Variants in VAV2 observed in about 807,000 individuals in gnomAD.
VAV2 encodes the protein guanine nucleotide exchange factor VAV2.
A neutral mutation model predicts 132.5 loss-of-function variants in VAV2; 67 were observed. That is an observed-to-expected ratio of 0.51 (90% CI 0.42 to 0.62). The LOEUF is 0.62. VAV2 is among the 20% of genes least tolerant of loss of function. The pLI, the probability that VAV2 is intolerant of heterozygous loss-of-function variation, is 0.00. For synonymous variants in VAV2, 492 were observed against 443.5 expected (o/e 1.11, Z -1.37); for missense variants, 938 against 1,153.6 (o/e 0.81, Z 2.71).
rs991349412 is a variant in VAV2, at chr9:133,885,256, G to A, written c.322-23824C>T. On this transcript the variant is annotated intron_variant, in intron 2 of 29. Transcript: ENST00000371850. The surrounding 1 kb of genome is among the most constrained non-coding windows in gnomAD (Gnocchi z 5.0). Reference sequence around the variant, plus strand: ...AGGGAAGGGCATGTATGCAGCCCCCGCGGCTGTCTACTTGGTCCATGTCCA... The same window carrying A: ...AGGGAAGGGCATGTATGCAGCCCCCACGGCTGTCTACTTGGTCCATGTCCA... Among the ~76,000 whole-genome samples, 11 of 152,214 alleles carry A rather than the reference G, an allele frequency of 7.2e-5. No homozygotes were observed. The highest frequency in any genetic ancestry group is 1.3e-4 in the Non-Finnish European group (9 of 68,044).
At chr9:133,903,078 GAAAA>G (rs61131449) in intron 2 of VAV2, among the ~76,000 whole-genome samples, 1 of 105,364 alleles carries the variant, frequency 9.5e-6, no homozygotes, top group African/African-American at 3.5e-5. Context: ...CCTGCCCCAG[GAAAA>G]AAAAAAAAAA....
chr9:133,763,879 G>T lies in VAV2; in HGVS notation c.*183C>A. 2.8e-6 allele frequency: 2 copies of T among 708,458 alleles called. No individual in the cohort carries two copies. Among genetic ancestry groups the T allele is most frequent in the Non-Finnish European group, 4.7e-6 (2 of 422,524 alleles). The allele number at this position is 708,458 out of a possible 1,614,324, so 43.9% of individuals were successfully genotyped here. Reference sequence around the variant, plus strand: ...ATAGCATACCCAGTGATGGGTCGCCGAGGGCAGGCTGACAGTGAAACGGTT... The same window carrying T: ...ATAGCATACCCAGTGATGGGTCGCCTAGGGCAGGCTGACAGTGAAACGGTT... On this transcript the variant is annotated 3_prime_UTR_variant, in exon 30 of 30. Transcript: ENST00000371850. The surrounding 1 kb of genome is among the most constrained non-coding windows in gnomAD (Gnocchi z 6.8).
intron 8 of VAV2, among the ~76,000 whole-genome samples, chr9:133,806,981 A>C (rs906192836): frequency 1.3e-5 from 2 of 152,180 alleles, no homozygotes; most frequent in Non-Finnish European, 2.9e-5. Context: ...GCTGACAAAA[A>C]CTTCATTTAC....
chr9:133,931,694 G>A (rs533635080), intron 2 of VAV2, among the ~76,000 whole-genome samples: 16 of 152,324 alleles, frequency 1.1e-4, no homozygotes, highest in Non-Finnish European at 2.1e-4. Flanking sequence ...CTGTGACCCG[G>A]TGCCCAGGAG....
intron 25 of VAV2, among the ~76,000 whole-genome samples, chr9:133,774,699 C>G (rs921582961): frequency 1.3e-5 from 2 of 152,194 alleles, no homozygotes; most frequent in Non-Finnish European, 2.9e-5. Context: ...ACAGGGCAGC[C>G]AGGAGTGATG....
chr9:133,851,838 C>T (rs1157652884), intron 3 of VAV2, among the ~76,000 whole-genome samples: 7 of 117,372 alleles, frequency 6.0e-5, no homozygotes, highest in Non-Finnish European at 9.9e-5. Flanking sequence ...GATGGATGCA[C>T]AAATGGGTGG....
intron 4 of VAV2, among the ~76,000 whole-genome samples, chr9:133,813,655 G>C (rs555767813): frequency 6.6e-6 from 1 of 152,238 alleles, no homozygotes. Context: ...GCAGGCAGGC[G>C]GGCAAAGGAG....
intron 1 of VAV2, among the ~76,000 whole-genome samples, chr9:133,987,641 C>T (rs765717129): frequency 6.6e-6 from 1 of 152,136 alleles, no homozygotes; most frequent in African/African-American, 2.4e-5. Flanking sequence ...ATGTGTTTTA[C>T]GAGGAGGAGG....
At position 133,777,383 on chromosome 9, in the gene VAV2, A is replaced by T; in HGVS notation, c.1965+6T>A. 1 of 1,613,316 alleles carries T rather than the reference A, an allele frequency of 6.2e-7. No homozygotes were observed. Among genetic ancestry groups the T allele is most frequent in the Non-Finnish European group, 8.5e-7 (1 of 1,179,840 alleles). ...GCTCCAGAAGCTTCTGTGGGAAAGG[A>T]CTCACCCTTCCATCCACAGGGCAGG... On this transcript the variant is annotated splice_donor_region_variant and intron_variant, in intron 23 of 29. Transcript: ENST00000371850.
intron 1 of VAV2, among the ~76,000 whole-genome samples, chr9:133,978,556 A>G (rs1004123718): frequency 2.0e-5 from 3 of 152,274 alleles, no homozygotes; most frequent in Non-Finnish European, 2.9e-5. Flanking sequence ...AATACTGATG[A>G]CTTCAGGGCC....
rs576377581 is a variant in VAV2, at chr9:133,784,670, G to A, written c.1533-252C>T. 2.4e-4 allele frequency among the ~76,000 whole-genome samples: 36 copies of A among 152,386 alleles called. 1 individual carries two copies. Among genetic ancestry groups the A allele is most frequent in the African/African-American group, 7.5e-4 (31 of 41,598 alleles). Reference sequence around the variant, plus strand: ...TGAGAGAACCTTCCAGGTGGGGACGGTGGTCTAAGGTCCTGACTGGGCTTG... The same window carrying A: ...TGAGAGAACCTTCCAGGTGGGGACGATGGTCTAAGGTCCTGACTGGGCTTG... On this transcript the variant is annotated intron_variant, in intron 17 of 29. Coordinates refer to ENST00000371850, the MANE Select transcript of VAV2 (RefSeq NM_001134398.2).
intron 1 of VAV2, among the ~76,000 whole-genome samples, chr9:133,972,812 C>A (rs368204491): frequency 8.9e-4 from 135 of 152,248 alleles, no homozygotes; most frequent in African/African-American, 3.0e-3. Flanking sequence ...GATGAGGCAA[C>A]CAAGGCCCAG....
chr9:133,791,417 C>T (rs58828586), intron 13 of VAV2, among the ~76,000 whole-genome samples: 62 of 152,126 alleles, frequency 4.1e-4, no homozygotes, highest in African/African-American at 1.3e-3. Context: ...AACCAGGGGG[C>T]GTCTCCTGCC....
intron 2 of VAV2, 45 bp from the exon 3 acceptor site, chr9:133,861,477 C>A: frequency 6.2e-7 from 1 of 1,604,750 alleles, no homozygotes; most frequent in Non-Finnish European, 8.5e-7. Context: ...CACAAGAAAC[C>A]AGAAAGGCAT....
At chr9:133,924,133 G>A (rs760555093) in intron 2 of VAV2, among the ~76,000 whole-genome samples, 19 of 152,092 alleles carry the variant, frequency 1.2e-4, no homozygotes, top group Non-Finnish European at 2.5e-4. Flanking sequence ...AAAACTTAAA[G>A]TATAATTTTT....
chr9:133,898,074 C>T (rs963621872), intron 2 of VAV2, among the ~76,000 whole-genome samples: 1 of 136,634 alleles, frequency 7.3e-6, no homozygotes, highest in Non-Finnish European at 1.6e-5. Context: ...ATCACTTCCC[C>T]CTTTGAAAAT....
intron 1 of VAV2, among the ~76,000 whole-genome samples, chr9:133,947,225 G>T (rs1353843318): frequency 3.3e-5 from 5 of 152,144 alleles, no homozygotes; most frequent in Non-Finnish European, 5.9e-5. Flanking sequence ...GGTAGGGTCT[G>T]GCCTCGACCC....
chr9:133,892,154 G>C (rs1261188535), intron 2 of VAV2, among the ~76,000 whole-genome samples: 1 of 118,406 alleles, frequency 8.4e-6, no homozygotes, highest in Non-Finnish European at 1.7e-5. Context: ...GGGGATGATG[G>C]AACAGAGGCC....
At chr9:133,799,018 C>A (rs1834829636) in intron 9 of VAV2, among the ~76,000 whole-genome samples, 1 of 152,220 alleles carries the variant, frequency 6.6e-6, no homozygotes, top group Non-Finnish European at 1.5e-5. Flanking sequence ...AGCTGCTTTG[C>A]CGTAGGGCAC....
Sources: gnomAD v4.1 joint callset for allele counts (sites outside exome capture counted in the v4.1 genomes callset) on GRCh38, gnomAD v4.1.1 for gene constraint, Gnocchi (gnomAD v3.1) non-coding constraint, MANE v1.5 for transcripts, NCBI Gene and HGNC (gene_info 2026-07-23, HGNC 2026-07-21) for gene names.